Variants in AMZ2 observed in about 807,000 individuals in gnomAD.
The protein encoded by AMZ2 is archaelysin family metallopeptidase 2, also known as archaemetzincin-2.
A neutral mutation model predicts 36.7 loss-of-function variants in AMZ2; 26 were observed. The ratio of observed to expected loss-of-function variants is 0.71; its 90% confidence interval spans 0.52 to 0.98. The LOEUF is 0.98. AMZ2 is among the 50% of genes least tolerant of loss of function. AMZ2 has a pLI of 0.00. For synonymous variants in AMZ2, 144 were observed against 149.1 expected (o/e 0.97, Z 0.25); for missense variants, 394 against 430.5 (o/e 0.92, Z 0.75).
intron 1 of AMZ2, among the ~76,000 whole-genome samples, chr17:68,224,994 A>G (rs2073476120): frequency 7.2e-6 from 1 of 139,808 alleles, no homozygotes. Context: ...CCTGGCTACC[A>G]TGGTGAAACC....
intron 1 of AMZ2, among the ~76,000 whole-genome samples, chr17:68,234,222 G>T (rs2073735110): frequency 6.6e-6 from 1 of 151,338 alleles, no homozygotes; most frequent in African/African-American, 2.4e-5. Flanking sequence ...GCTGAGGCGG[G>T]TGGATCACTG....
intron 5 of AMZ2, 34 bp from the exon 6 acceptor site, chr17:68,255,665 TG>T: frequency 1.9e-6 from 3 of 1,595,542 alleles, no homozygotes; most frequent in Non-Finnish European, 2.6e-6. Context: ...AATGTGATGG[TG>T]GTCTTATAAA....
At chr17:68,256,311 A>ATGTG (rs1486118485) in intron 6 of AMZ2, among the ~76,000 whole-genome samples, 1 of 152,054 alleles carries the variant, frequency 6.6e-6, no homozygotes, top group Non-Finnish European at 1.5e-5. Flanking sequence ...TAATCTCAGT[A>ATGTG]TGTGTGTGTG....
intron 1 of AMZ2, among the ~76,000 whole-genome samples, chr17:68,216,475 C>T (rs1818574096): frequency 6.6e-6 from 1 of 152,184 alleles, no homozygotes; most frequent in Non-Finnish European, 1.5e-5. Flanking sequence ...GATGAAGAGA[C>T]TAAATCTCAA....
At chr17:68,247,923 G>A (rs868954190), upstream of AMZ2, 7 of 985,460 alleles carry the variant, frequency 7.1e-6, no homozygotes, top group South Asian at 2.3e-4. Flanking sequence ...CCAGGCGGCC[G>A]CACGCTCAGG....
intron 1 of AMZ2, among the ~76,000 whole-genome samples, chr17:68,233,648 T>C (rs2073721214): frequency 6.6e-6 from 1 of 152,132 alleles, no homozygotes; most frequent in Non-Finnish European, 1.5e-5. Context: ...TACATCATTC[T>C]CTCTATGAGC....
chr17:68,248,119 G>C lies in AMZ2; in HGVS notation c.-587G>C, dbSNP rs3815321. On this transcript the variant is annotated 5_prime_UTR_variant, in exon 1 of 7. Coordinates refer to ENST00000359904, the MANE Select transcript of AMZ2 (RefSeq NM_016627.5). Reference sequence around the variant, plus strand: ...GTATCGAGGCCTGTCGGGTCAGGGCGGTTCGCGGGTGCTGTCAGAGCTGGG... The same window carrying C: ...GTATCGAGGCCTGTCGGGTCAGGGCCGTTCGCGGGTGCTGTCAGAGCTGGG... 0.026 allele frequency: 26,121 copies of C among 986,360 alleles called. 886 individuals are homozygous for C. The highest frequency in any genetic ancestry group is 0.13 in the Admixed American group (2,173 of 16,290). The allele number at this position is 986,360 out of a possible 1,614,324, so 61.1% of individuals were successfully genotyped here.
At chr17:68,239,078 C>T (rs1313497366) in intron 1 of AMZ2, among the ~76,000 whole-genome samples, 7 of 152,180 alleles carry the variant, frequency 4.6e-5, no homozygotes, top group African/African-American at 1.7e-4. Flanking sequence ...TGTACAGTGC[C>T]GTTCAACTTC....
intron 4 of AMZ2, 148 bp from the exon 5 acceptor site, chr17:68,254,256 G>T: frequency 1.6e-6 from 1 of 636,870 alleles, no homozygotes; most frequent in Non-Finnish European, 2.4e-6. Flanking sequence ...CTTCCTTTTT[G>T]GTGGCAAACC....
At chr17:68,218,129 A>T (rs1350588172) in intron 1 of AMZ2, among the ~76,000 whole-genome samples, 2 of 152,108 alleles carry the variant, frequency 1.3e-5, no homozygotes, top group Non-Finnish European at 2.9e-5. Context: ...AGGTTCTTAT[A>T]CATGAATTTA....
chr17:68,246,627 G>A (rs1430664461), upstream of AMZ2: 1 of 152,186 alleles, frequency 6.6e-6, no homozygotes, highest in Non-Finnish European at 1.5e-5. Context: ...GAACAGTCAT[G>A]GTAGGAATGC....
chr17:68,222,223 C>T (rs1555728751), intron 1 of AMZ2, among the ~76,000 whole-genome samples: 2 of 152,302 alleles, frequency 1.3e-5, no homozygotes, highest in Non-Finnish European at 2.9e-5. Context: ...TTGGGTGGGC[C>T]AGGTGGGCTC....
intron 1 of AMZ2, among the ~76,000 whole-genome samples, chr17:68,212,349 G>C (rs2073089399): frequency 6.6e-6 from 1 of 152,048 alleles, no homozygotes; most frequent in Non-Finnish European, 1.5e-5. Flanking sequence ...TCCAGCCTGG[G>C]TGACAGAACC....
intron 1 of AMZ2, among the ~76,000 whole-genome samples, chr17:68,214,491 G>A (rs782736316): frequency 5.3e-5 from 8 of 152,154 alleles, no homozygotes; most frequent in African/African-American, 9.7e-5. Flanking sequence ...ACAACTGAGC[G>A]TGGTTTCTCC....
chr17:68,211,742 ATATG>A (rs1211906200), intron 1 of AMZ2, among the ~76,000 whole-genome samples: 33 of 145,938 alleles, frequency 2.3e-4, no homozygotes, highest in African/African-American at 7.7e-4. Flanking sequence ...ATATATGTGT[ATATG>A]TATATATGTA....
intron 1 of AMZ2, among the ~76,000 whole-genome samples, chr17:68,215,194 G>A (rs1555726951): frequency 6.6e-6 from 1 of 152,162 alleles, no homozygotes; most frequent in African/African-American, 2.4e-5. Context: ...GGTTTTAAAT[G>A]TATATTCTAT....
intron 1 of AMZ2, among the ~76,000 whole-genome samples, chr17:68,225,020 A>G (rs1254801396): frequency 6.8e-6 from 1 of 146,108 alleles, no homozygotes; most frequent in Non-Finnish European, 1.5e-5. Context: ...TCTACTAAAA[A>G]AAAAAACACA....
chr17:68,222,424 T>C (rs1555728795), intron 1 of AMZ2, among the ~76,000 whole-genome samples: 1 of 152,268 alleles, frequency 6.6e-6, no homozygotes, highest in African/African-American at 2.4e-5. Context: ...CACCAGGGAC[T>C]GGTTTTGTGG....
intron 1 of AMZ2, among the ~76,000 whole-genome samples, chr17:68,239,732 C>G (rs560446636): frequency 1.8e-3 from 277 of 152,230 alleles, no homozygotes; most frequent in Non-Finnish European, 3.3e-3. Flanking sequence ...TGGGAGACTC[C>G]CCTCAGTGAA....
Sources: gnomAD v4.1 joint callset for allele counts (sites outside exome capture counted in the v4.1 genomes callset) on GRCh38, gnomAD v4.1.1 for gene constraint, MANE v1.5 for transcripts, NCBI Gene and HGNC (gene_info 2026-07-23, HGNC 2026-07-21) for gene names.